Variants in SMYD3 observed in about 807,000 individuals in gnomAD.
The protein encoded by SMYD3 is histone-lysine N-methyltransferase SMYD3.
In SMYD3, 36 loss-of-function variants were observed where a neutral mutation model predicts 57.7. The ratio of observed to expected loss-of-function variants is 0.62; its 90% CI spans 0.48 to 0.82. The LOEUF (loss-of-function observed/expected upper bound fraction) is 0.82, where lower values mean the gene tolerates loss of function less well. Among genes scored for constraint, SMYD3 ranks in the 40% least tolerant of loss-of-function variants. The pLI is 0.00. For missense variants in SMYD3, 515 were observed against 538.8 expected, an observed-to-expected ratio of 0.96 and a Z score of 0.44; for synonymous variants, 211 against 195.0, an observed-to-expected ratio of 1.08 and a Z score of -0.68.
intron 1 of SMYD3, among the ~76,000 whole-genome samples, chr1:246,445,430 A>T (rs919675813): frequency 6.6e-6 from 1 of 152,198 alleles, no homozygotes; most frequent in Admixed American, 6.5e-5. Flanking sequence ...CCATGAATGT[A>T]ACCCCAATCA....
chr1:246,290,349 A>G (rs926201822), intron 5 of SMYD3, among the ~76,000 whole-genome samples: 3 of 152,200 alleles, frequency 2.0e-5, no homozygotes, highest in Admixed American at 1.3e-4. Context: ...TTCTCATTTC[A>G]CTAGACAAGA....
intron 1 of SMYD3, among the ~76,000 whole-genome samples, chr1:246,439,879 G>A (rs544272890): frequency 6.6e-6 from 1 of 152,264 alleles, no homozygotes; most frequent in South Asian, 2.1e-4. Context: ...AAGCTTGGGA[G>A]GTCAAGGCTG....
intron 8 of SMYD3, among the ~76,000 whole-genome samples, chr1:245,878,386 G>A (rs1161688119): frequency 2.6e-5 from 4 of 152,196 alleles, no homozygotes; most frequent in Non-Finnish European, 5.9e-5. Flanking sequence ...GGTCCACGAG[G>A]AGGCAGAGGG....
chr1:246,491,544 TAAAA>T (rs369181751), intron 1 of SMYD3, among the ~76,000 whole-genome samples: 2 of 93,600 alleles, frequency 2.1e-5, no homozygotes, highest in South Asian at 3.2e-4. Flanking sequence ...TCGTCTCAAA[TAAAA>T]AAAAAAAAAA....
At chr1:246,487,460 GA>G (rs796280142) in intron 1 of SMYD3, among the ~76,000 whole-genome samples, 11 of 144,082 alleles carry the variant, frequency 7.6e-5, no homozygotes, top group South Asian at 2.2e-4. Context: ...ACTCTGTCTG[GA>G]AAAAAAAAAA....
intron 10 of SMYD3, among the ~76,000 whole-genome samples, chr1:245,778,168 CTG>C (rs1436898564): frequency 6.6e-6 from 1 of 152,122 alleles, no homozygotes; most frequent in Non-Finnish European, 1.5e-5. Flanking sequence ...TATAGACAAA[CTG>C]TTTCCAAAAT....
intron 10 of SMYD3, among the ~76,000 whole-genome samples, chr1:245,850,833 C>T (rs1360590908): frequency 6.6e-6 from 1 of 152,196 alleles, no homozygotes; most frequent in Non-Finnish European, 1.5e-5. Context: ...CCTCTGGTGG[C>T]CAACTAGCAC....
Position 246,408,609 on chromosome 1 carries a change from T to G in SMYD3, c.165-53515A>C, listed in dbSNP as rs139888091. Among the ~76,000 whole-genome samples the G allele has an allele frequency of 1.3e-4, 19 of 151,702 alleles. No homozygotes were observed. In the East Asian group the frequency reaches 3.5e-3, roughly 28 times the overall value. On this transcript the variant is annotated intron_variant, in intron 1 of 11. Transcript: ENST00000490107. ...CAGAGAGAAAAATGAAATTTATGAG[T>G]TCTCCATCAAGTTCTGGCCTCTCCC...
rs74154503 is a variant in SMYD3, at chr1:246,344,720, C to G, written c.229-9246G>C. ...TGAACAAGAGTTCCAGTTGCTCCAT[C>G]ACCTTGCCAGCACTTGACAAAGTCA... On this transcript the variant is annotated intron_variant, in intron 2 of 11. Coordinates refer to ENST00000490107, the MANE Select transcript of SMYD3 (RefSeq NM_001167740.2). Among the ~76,000 whole-genome samples the G allele has an allele frequency of 2.0e-3, 312 of 152,334 alleles. 4 individuals are homozygous for G. Among genetic ancestry groups the G allele is most frequent in the African/African-American group, 7.2e-3 (298 of 41,576 alleles).
At chr1:246,453,652 CTAAG>C (rs1400126275) in intron 1 of SMYD3, among the ~76,000 whole-genome samples, 2 of 152,102 alleles carry the variant, frequency 1.3e-5, no homozygotes, top group Non-Finnish European at 2.9e-5. Flanking sequence ...CCTCAGGCAC[CTAAG>C]TAAAAGCCAC....
intron 5 of SMYD3, among the ~76,000 whole-genome samples, chr1:246,104,276 G>C (rs1421135978): frequency 6.6e-6 from 1 of 152,180 alleles, no homozygotes; most frequent in Non-Finnish European, 1.5e-5. Context: ...GGGTAAATGA[G>C]TTAACATAAA....
intron 10 of SMYD3, among the ~76,000 whole-genome samples, chr1:245,844,817 C>G (rs934837770): frequency 6.6e-6 from 1 of 151,872 alleles, no homozygotes; most frequent in African/African-American, 2.4e-5. Flanking sequence ...CATGACTTTT[C>G]TAGCTTTAGC....
At chr1:245,894,392 C>T (rs1188659747) in intron 8 of SMYD3, among the ~76,000 whole-genome samples, 1 of 152,094 alleles carries the variant, frequency 6.6e-6, no homozygotes, top group Non-Finnish European at 1.5e-5. Flanking sequence ...AACCTGGCCA[C>T]CCCAACCAGC....
chr1:246,188,480 C>T (rs910212659), intron 5 of SMYD3, among the ~76,000 whole-genome samples: 1 of 152,050 alleles, frequency 6.6e-6, no homozygotes, highest in African/African-American at 2.4e-5. Flanking sequence ...ACTTCAATGG[C>T]ATTAAATTCA....
chr1:245,977,547 T>C (rs1382432383), intron 5 of SMYD3, among the ~76,000 whole-genome samples: 1 of 152,018 alleles, frequency 6.6e-6, no homozygotes, highest in Non-Finnish European at 1.5e-5. Flanking sequence ...GGTGTGGTGG[T>C]GCATGCCTGT....
At chr1:245,773,323 C>T (rs1363192148) in intron 10 of SMYD3, among the ~76,000 whole-genome samples, 1 of 152,164 alleles carries the variant, frequency 6.6e-6, no homozygotes. Flanking sequence ...GACTAAGCAT[C>T]CAATAATGAA....
intron 1 of SMYD3, among the ~76,000 whole-genome samples, chr1:246,504,402 CGT>C (rs1491333436): frequency 2.0e-5 from 3 of 152,124 alleles, no homozygotes; most frequent in Non-Finnish European, 4.4e-5. Flanking sequence ...ACCTGCACCG[CGT>C]GTTACTGTAC....
intron 10 of SMYD3, among the ~76,000 whole-genome samples, chr1:245,812,730 C>T (rs945831278): frequency 6.0e-5 from 8 of 134,134 alleles, no homozygotes; most frequent in East Asian, 2.3e-4. Context: ...AAAGAGCGAG[C>T]GAGAGAGACA....
chr1:245,771,485 C>A (rs1288335190), intron 10 of SMYD3, among the ~76,000 whole-genome samples: 1 of 152,180 alleles, frequency 6.6e-6, no homozygotes, highest in Non-Finnish European at 1.5e-5. Flanking sequence ...AATTTTGAGC[C>A]TTCTGTAGAA....
Sources: gnomAD v4.1 joint callset for allele counts (sites outside exome capture counted in the v4.1 genomes callset) on GRCh38, gnomAD v4.1.1 for gene constraint, MANE v1.5 for transcripts, NCBI Gene and HGNC (gene_info 2026-07-23, HGNC 2026-07-21) for gene names.